Variants in GSK3B observed in about 807,000 individuals in gnomAD.
GSK3B encodes glycogen synthase kinase 3 beta.
In GSK3B, 15 loss-of-function variants were observed where a neutral mutation model predicts 56.4. The ratio of observed to expected loss-of-function variants is 0.27; its 90% CI spans 0.18 to 0.41. The LOEUF is 0.41. Among genes scored for constraint, GSK3B ranks in the 10% least tolerant of loss-of-function variants. The probability of loss-of-function intolerance (pLI) is 1.00; values close to 1 mark genes in which losing one functional copy is unlikely to be tolerated. For synonymous variants in GSK3B, 181 were observed against 188.9 expected, an observed-to-expected ratio of 0.96 and a Z score of 0.34; for missense variants, 300 against 513.4, an observed-to-expected ratio of 0.58 and a Z score of 4.02.
intron 7 of GSK3B, among the ~76,000 whole-genome samples, chr3:119,899,526 T>C (rs2056604869): frequency 6.6e-6 from 1 of 152,122 alleles, no homozygotes; most frequent in Non-Finnish European, 1.5e-5. Context: ...TTTCCCAATA[T>C]TGGAAAACGT....
intron 7 of GSK3B, among the ~76,000 whole-genome samples, chr3:119,878,684 C>A (rs1378664060): frequency 1.3e-5 from 2 of 151,962 alleles, no homozygotes; most frequent in Non-Finnish European, 2.9e-5. Context: ...TTTTTTTTAA[C>A]TGCTAAACAG....
At chr3:119,915,229 A>G (rs1237109043) in intron 5 of GSK3B, among the ~76,000 whole-genome samples, 1 of 152,098 alleles carries the variant, frequency 6.6e-6, no homozygotes, top group African/African-American at 2.4e-5. Flanking sequence ...GGGTGGAATA[A>G]AAGGTTAAAT....
intron 10 of GSK3B, among the ~76,000 whole-genome samples, chr3:119,834,526 C>T (rs1034886692): frequency 1.3e-5 from 2 of 152,242 alleles, no homozygotes; most frequent in East Asian, 3.9e-4. Context: ...CTGCTGGCAG[C>T]TGAGAGGTCT....
At chr3:120,052,585 T>C (rs367980225) in intron 1 of GSK3B, among the ~76,000 whole-genome samples, 2 of 152,230 alleles carry the variant, frequency 1.3e-5, no homozygotes, top group Non-Finnish European at 2.9e-5. Flanking sequence ...CCTAAACCAC[T>C]GTTAACAATC....
In GSK3B at chr3:119,915,011, G is replaced by C. The variant is rs145325471; in HGVS notation, c.608+1033C>G. ...TTAGGGACCATGAGGAGAGAGATTA[G>C]GTGATTACACCAGTGAGGAAGTAGC... On this transcript the variant is annotated intron_variant, in intron 5 of 10. Transcript: ENST00000264235. 7.7e-3 allele frequency among the ~76,000 whole-genome samples: 1,169 copies of C among 152,144 alleles called. 4 individuals are homozygous for C. The highest frequency in any genetic ancestry group is 0.012 in the Non-Finnish European group (847 of 67,924).
chr3:119,917,589 T>TA (rs1243179514), intron 4 of GSK3B, among the ~76,000 whole-genome samples: 3 of 150,618 alleles, frequency 2.0e-5, no homozygotes, highest in African/African-American at 7.3e-5. Context: ...ATAAATTTAC[T>TA]AAAAAAAGAG....
At chr3:119,859,655 C>T in intron 9 of GSK3B, among the ~76,000 whole-genome samples, 1 of 151,960 alleles carries the variant, frequency 6.6e-6, no homozygotes, top group Middle Eastern at 3.2e-3. Context: ...CCTTATTTTC[C>T]TTTGTTTTTT....
At chr3:119,830,403 T>C (rs148014822) in intron 10 of GSK3B, among the ~76,000 whole-genome samples, 1 of 152,224 alleles carries the variant, frequency 6.6e-6, no homozygotes, top group East Asian at 1.9e-4. Context: ...TATTAAAATG[T>C]TTATTAATTT....
intron 7 of GSK3B, among the ~76,000 whole-genome samples, chr3:119,882,315 C>T (rs1308791794): frequency 6.6e-6 from 1 of 152,070 alleles, no homozygotes; most frequent in Non-Finnish European, 1.5e-5. Flanking sequence ...TGTACTCACT[C>T]TCACATCCTT....
chr3:120,004,765 C>T (rs909706563), intron 1 of GSK3B, among the ~76,000 whole-genome samples: 4 of 152,130 alleles, frequency 2.6e-5, no homozygotes, highest in African/African-American at 7.2e-5. Flanking sequence ...AAACCCCATA[C>T]GTAGGCCACC....
chr3:120,057,364 A>T (rs916212155), intron 1 of GSK3B, among the ~76,000 whole-genome samples: 1 of 152,186 alleles, frequency 6.6e-6, no homozygotes. Flanking sequence ...AATGGGTCAA[A>T]AATCTTTAAA....
At chr3:120,022,478 A>G (rs2057887470) in intron 1 of GSK3B, among the ~76,000 whole-genome samples, 1 of 152,190 alleles carries the variant, frequency 6.6e-6, no homozygotes, top group Non-Finnish European at 1.5e-5. Flanking sequence ...AGTTACTTAT[A>G]ATCAAATCCA....
intron 8 of GSK3B, among the ~76,000 whole-genome samples, chr3:119,864,831 A>G (rs1178832379): frequency 6.6e-6 from 1 of 152,256 alleles, no homozygotes; most frequent in Non-Finnish European, 1.5e-5. Context: ...TTAATTTATT[A>G]TTGAAAAAGA....
chr3:119,876,769 TGTCATTAAA>T lies in GSK3B; in HGVS notation c.814-270_814-262del, dbSNP rs553744141. 3.4e-3 allele frequency among the ~76,000 whole-genome samples: 522 copies of T among 152,260 alleles called. 4 individuals are homozygous for T. The highest frequency in any genetic ancestry group is 0.012 in the African/African-American group (511 of 41,546). Reference sequence around the variant, plus strand: ...GGCTCTGCCCTTGTGAATGGACTCATGTCATTAAAGTGGAAGCAGGATTGTTATTTCAAG... The same window carrying T: ...GGCTCTGCCCTTGTGAATGGACTCATGTGGAAGCAGGATTGTTATTTCAAG... On this transcript the variant is annotated intron_variant, in intron 7 of 10. Transcript: ENST00000264235.
At chr3:119,943,391 C>A (rs560948932) in intron 3 of GSK3B, among the ~76,000 whole-genome samples, 21 of 151,980 alleles carry the variant, frequency 1.4e-4, no homozygotes, top group Non-Finnish European at 2.5e-4. Context: ...TATTAGATAA[C>A]CAAAATGCCT....
chr3:120,004,443 G>A (rs532302139), intron 1 of GSK3B, among the ~76,000 whole-genome samples: 4 of 152,284 alleles, frequency 2.6e-5, no homozygotes, highest in Admixed American at 1.3e-4. Flanking sequence ...TTCAGCTCCC[G>A]ATAAGGGACA....
intron 1 of GSK3B, among the ~76,000 whole-genome samples, chr3:120,031,174 A>G (rs2107521665): frequency 6.6e-6 from 1 of 152,378 alleles, no homozygotes; most frequent in Non-Finnish European, 1.5e-5. Context: ...AAGGTATAAA[A>G]TAATTTTTAT....
At chr3:120,006,150 G>C (rs556111160) in intron 1 of GSK3B, among the ~76,000 whole-genome samples, 233 of 152,186 alleles carry the variant, frequency 1.5e-3, no homozygotes, top group African/African-American at 5.2e-3. Context: ...AACCAACGAA[G>C]ATCAAAAGAG....
At chr3:120,076,612 G>A (rs891640186) in intron 1 of GSK3B, among the ~76,000 whole-genome samples, 17 of 151,714 alleles carry the variant, frequency 1.1e-4, no homozygotes, top group South Asian at 1.0e-3. Context: ...TCAGGAGATC[G>A]AGACCATCCT....
Sources: gnomAD v4.1 joint callset for allele counts (sites outside exome capture counted in the v4.1 genomes callset) on GRCh38, gnomAD v4.1.1 for gene constraint, MANE v1.5 for transcripts, NCBI Gene and HGNC (gene_info 2026-07-23, HGNC 2026-07-21) for gene names.